The following PGR variants were observed in gnomAD, a reference collection of about 807,000 sequenced individuals.
PGR encodes the protein progesterone receptor.
PGR carries 25 observed loss-of-function variants against 76.1 expected under a neutral mutation model. That is an observed-to-expected ratio of 0.33 (90% confidence interval 0.24 to 0.46). The LOEUF is 0.46. Ranked by LOEUF, PGR falls within the 20% of genes least tolerant of loss-of-function variation. PGR has a pLI of 1.00. For missense variants in PGR, 1,172 were observed against 1,225.3 expected (o/e 0.96, Z 0.65); for synonymous variants, 579 against 535.0 (o/e 1.08, Z -1.14).
At position 101,127,599 on chromosome 11, in the gene PGR, G is replaced by C. The variant is rs756644416; in HGVS notation, c.1472C>G (p.Pro491Arg). 21 of 1,302,734 alleles carry C rather than the reference G, an allele frequency of 1.6e-5. No individual in the cohort carries two copies. Among genetic ancestry groups the C allele is most frequent in the South Asian group, 2.6e-5 (1 of 38,990 alleles). The allele number at this position is 1,302,734 out of a possible 1,614,324, so 80.7% of individuals were successfully genotyped here. Residue 491 changes from proline (P) to arginine (R), a missense_variant, in exon 1 of 8, where the codon CCG becomes CGG. Transcript: ENST00000325455. The stretch of plus-strand genomic sequence containing the variant: ...GGAGGTGGAGGGCAGGCCGTCCCGC[G>C]GGAGCAGGCAGCCGCTCGCGCCCGG... The part of the protein sequence containing the change: ...KAPGASGCLL[P>R]RDGLPSTSAS...
At position 101,074,454 on chromosome 11, in the gene PGR, A is replaced by G. The variant is rs185181373; in HGVS notation, c.1907-11702T>C. 3.9e-5 allele frequency among the ~76,000 whole-genome samples: 6 copies of G among 152,316 alleles called. No individual in the cohort carries two copies. In the East Asian group the frequency reaches 1.2e-3, roughly 29 times the overall value. ...TCCTTTCCCACCACTGCTATTAAAC[A>G]TAGTAGTGGAAGTTCTGGCCAGGGC... is the stretch of plus-strand genomic sequence containing the variant. On this transcript the variant is annotated intron_variant, in intron 3 of 7. Coordinates refer to ENST00000325455, the MANE Select transcript of PGR (RefSeq NM_000926.4).
At chr11:101,102,053 C>T (rs1862012527) in intron 2 of PGR, among the ~76,000 whole-genome samples, 1 of 152,034 alleles carries the variant, frequency 6.6e-6, no homozygotes, top group Non-Finnish European at 1.5e-5. Context: ...GAACTTTCTA[C>T]AAAACGGCTG....
At chr11:101,059,028 G>C (rs1394114443) in intron 4 of PGR, among the ~76,000 whole-genome samples, 1 of 151,772 alleles carries the variant, frequency 6.6e-6, no homozygotes, top group East Asian at 1.9e-4. Flanking sequence ...TGTTACTAAG[G>C]GACCCCCCAC....
intron 3 of PGR, among the ~76,000 whole-genome samples, chr11:101,089,607 G>C (rs967445256): frequency 6.6e-6 from 1 of 150,700 alleles, no homozygotes; most frequent in Non-Finnish European, 1.5e-5. Context: ...ACTTAGAATA[G>C]TATCTGGTAA....
Position 101,037,726 on chromosome 11 carries a change from A to T in PGR, c.*1390T>A, listed in dbSNP as rs1206365912. Reference sequence around the variant, plus strand: ...GTAATGAAGATAATTGATGGAGATAAAGCATGGGAGAAGAAAGTGATAAAG... The same window carrying T: ...GTAATGAAGATAATTGATGGAGATATAGCATGGGAGAAGAAAGTGATAAAG... On this transcript the variant is annotated 3_prime_UTR_variant, in exon 8 of 8. Transcript: ENST00000325455. 6 of 226,424 alleles carry T rather than the reference A, an allele frequency of 2.6e-5. No individual in the cohort carries two copies. The Admixed American group carries it at 3.4e-4, about 13-fold the overall frequency. 14.0% of individuals were successfully genotyped at this position (226,424 alleles called of 1,614,324 possible).
chr11:101,092,190 A>G (rs1455772328), intron 2 of PGR, among the ~76,000 whole-genome samples: 3 of 152,322 alleles, frequency 2.0e-5, no homozygotes, highest in Non-Finnish European at 4.4e-5. Flanking sequence ...TCATTTCAAG[A>G]TTAGCTACAC....
At chr11:101,098,997 C>T (rs904841909) in intron 2 of PGR, among the ~76,000 whole-genome samples, 1 of 152,100 alleles carries the variant, frequency 6.6e-6, no homozygotes, top group African/African-American at 2.4e-5. Flanking sequence ...GGAACCTGGG[C>T]CAAGGAACAA....
At chr11:101,093,521 C>A (rs373573841) in intron 2 of PGR, among the ~76,000 whole-genome samples, 4 of 152,132 alleles carry the variant, frequency 2.6e-5, no homozygotes, top group Admixed American at 6.5e-5. Flanking sequence ...AAAGCAAAGG[C>A]ACAGTCTCGG....
intron 2 of PGR, among the ~76,000 whole-genome samples, chr11:101,110,681 G>A (rs910085938): frequency 2.6e-5 from 4 of 152,160 alleles, no homozygotes; most frequent in Non-Finnish European, 4.4e-5. Flanking sequence ...GCAGCAGCAG[G>A]TTTTGAGAAA....
chr11:101,071,058 C>G (rs1446854950), intron 3 of PGR, among the ~76,000 whole-genome samples: 1 of 152,156 alleles, frequency 6.6e-6, no homozygotes, highest in Admixed American at 6.5e-5. Flanking sequence ...TCGACAGACA[C>G]CTCACACAGG....
At chr11:101,092,905 A>G (rs1017542329) in intron 2 of PGR, among the ~76,000 whole-genome samples, 4 of 152,126 alleles carry the variant, frequency 2.6e-5, no homozygotes, top group African/African-American at 9.7e-5. Flanking sequence ...AGTATTTTAC[A>G]TTAGTTAAGA....
At chr11:101,051,255 T>C (rs1354430264) in intron 5 of PGR, among the ~76,000 whole-genome samples, 169 bp downstream of exon 5, 1 of 152,152 alleles carries the variant, frequency 6.6e-6, no homozygotes, top group Non-Finnish European at 1.5e-5. Context: ...TTGATATAAC[T>C]ATATTTTGAA....
rs2135365949 is a variant in PGR at position 101,032,175 on chromosome 11, T to C, written c.*6941A>G. On this transcript the variant is annotated 3_prime_UTR_variant, in exon 8 of 8. Transcript: ENST00000325455. ...GTATTTCATCTCCTTTCGTCAGTCC[T>C]GTCAATGTTCCTATGTTATATCTTC... 1 of 232,952 alleles carries C rather than the reference T, an allele frequency of 4.3e-6. No individual in the cohort carries two copies. Among genetic ancestry groups the C allele is most frequent in the South Asian group, 1.8e-4 (1 of 5,522 alleles). The allele number at this position is 232,952 out of a possible 1,614,324, so 14.4% of individuals were successfully genotyped here. A position where few individuals can be genotyped will look rare whatever the true frequency, so the allele number is the denominator to read the frequency against.
chr11:101,107,865 T>TAAAGAAAAAAAA (rs1862215305), intron 2 of PGR, among the ~76,000 whole-genome samples: 1 of 119,288 alleles, frequency 8.4e-6, no homozygotes, highest in Non-Finnish European at 1.7e-5. Flanking sequence ...ACTGGCTTTG[T>TAAAGAAAAAAAA]AAAAAAAAAA....
chr11:101,047,912 C>T (rs1208253780), intron 6 of PGR, among the ~76,000 whole-genome samples: 1 of 152,088 alleles, frequency 6.6e-6, no homozygotes, highest in East Asian at 1.9e-4. Context: ...GTGATCAATG[C>T]AATGCTTTAT....
chr11:101,053,706 CCCTCCCTCCTTTCTT>C (rs1860187065), intron 4 of PGR, among the ~76,000 whole-genome samples: 1 of 148,592 alleles, frequency 6.7e-6, no homozygotes, highest in Admixed American at 6.7e-5. Context: ...CTCCCTTCCT[CCCTCCCTCCTTTCTT>C]CCTTCCCTCT....
rs754242608 is a variant in PGR at position 101,128,075 on chromosome 11, C to G, written c.996G>C (p.Gly332=). The G allele has an allele frequency of 1.2e-6, 2 of 1,600,488 alleles. No individual in the cohort carries two copies. The highest frequency in any genetic ancestry group is 4.5e-5 in the East Asian group (2 of 44,774). ...QLLEDESYDG[G]AGAASAFAPP... Reference sequence around the variant, plus strand: ...GGGCAAAGGCGCTGGCAGCCCCGGCCCCGCCGTCGTAACTTTCGTCTTCCA... The same window carrying G: ...GGGCAAAGGCGCTGGCAGCCCCGGCGCCGCCGTCGTAACTTTCGTCTTCCA... The change falls in exon 1 of 8, where the codon GGG becomes GGC. Residue 332 remains glycine (G), a synonymous_variant. Coordinates refer to ENST00000325455, the MANE Select transcript of PGR (RefSeq NM_000926.4).
intron 3 of PGR, among the ~76,000 whole-genome samples, chr11:101,075,603 A>G (rs191151433): frequency 1.7e-4 from 26 of 150,452 alleles, no homozygotes; most frequent in African/African-American, 6.3e-4. Context: ...GAAGCTACAA[A>G]GAATTTAAAC....
intron 2 of PGR, among the ~76,000 whole-genome samples, chr11:101,093,013 G>C (rs564266233): frequency 6.6e-6 from 1 of 152,100 alleles, no homozygotes; most frequent in Non-Finnish European, 1.5e-5. Flanking sequence ...TAGCCTAAAC[G>C]GCAAAGGGCA....
Sources: allele counts gnomAD v4.1 joint callset (sites outside exome capture counted in the v4.1 genomes callset), GRCh38; gene constraint gnomAD v4.1.1; transcripts MANE v1.5; gene names NCBI Gene and HGNC (gene_info 2026-07-23, HGNC 2026-07-21).